The following DYNC1I1 variants were observed in gnomAD, a reference collection of about 807,000 sequenced individuals.
The protein encoded by DYNC1I1 is dynein cytoplasmic 1 intermediate chain 1, also known as cytoplasmic dynein 1 intermediate chain 1.
A neutral mutation model predicts 86.6 loss-of-function variants in DYNC1I1; 43 were observed. The observed-to-expected ratio is 0.50, with a 90% CI of 0.39 to 0.64. The LOEUF (loss-of-function observed/expected upper bound fraction) is 0.64, where lower values mean the gene tolerates loss of function less well. Ranked by LOEUF, DYNC1I1 falls within the 30% of genes least tolerant of loss-of-function variation. The pLI is 0.00. For missense variants in DYNC1I1, 604 were observed against 788.8 expected (o/e 0.77, Z 2.81); for synonymous variants, 262 against 283.7 (o/e 0.92, Z 0.77).
At chr7:96,056,880 C>T (rs186037204) in intron 14 of DYNC1I1, among the ~76,000 whole-genome samples, 36 of 152,114 alleles carry the variant, frequency 2.4e-4, no homozygotes, top group Non-Finnish European at 3.5e-4. Flanking sequence ...GACCTAAATA[C>T]GGGATTGGTT....
chr7:95,957,140 G>A (rs901308671), intron 6 of DYNC1I1, among the ~76,000 whole-genome samples: 1 of 152,118 alleles, frequency 6.6e-6, no homozygotes, highest in African/African-American at 2.4e-5. Context: ...ATAAATGATT[G>A]TAAAATACTT....
At chr7:95,788,193 T>C (rs1794199465) in intron 1 of DYNC1I1, among the ~76,000 whole-genome samples, 1 of 152,200 alleles carries the variant, frequency 6.6e-6, no homozygotes, top group Non-Finnish European at 1.5e-5. Context: ...GGGAATGGGC[T>C]GCAAGGGAGG....
chr7:95,978,684 A>T (rs1325421290), intron 7 of DYNC1I1, among the ~76,000 whole-genome samples: 3 of 152,196 alleles, frequency 2.0e-5, no homozygotes, highest in Non-Finnish European at 4.4e-5. Context: ...CTTTGTAGGA[A>T]TTGATACCTA....
At chr7:95,875,199 T>G (rs750385331) in intron 6 of DYNC1I1, among the ~76,000 whole-genome samples, 1 of 152,158 alleles carries the variant, frequency 6.6e-6, no homozygotes, top group Non-Finnish European at 1.5e-5. Flanking sequence ...ATCCTTCCTT[T>G]TAGAACAATG....
chr7:95,950,138 T>C (rs922973754), intron 6 of DYNC1I1, among the ~76,000 whole-genome samples: 12 of 152,206 alleles, frequency 7.9e-5, no homozygotes, highest in Admixed American at 3.9e-4. Context: ...TAGAAAGAAG[T>C]GTCCCATAAA....
intron 16 of DYNC1I1, among the ~76,000 whole-genome samples, chr7:96,097,265 G>A (rs1057161899): frequency 3.3e-5 from 5 of 152,138 alleles, no homozygotes; most frequent in Admixed American, 2.0e-4. Flanking sequence ...AATTATGTGA[G>A]TGCTTTTGCT....
At chr7:95,872,256 C>T (rs1415154391) in intron 6 of DYNC1I1, among the ~76,000 whole-genome samples, 2 of 152,158 alleles carry the variant, frequency 1.3e-5, no homozygotes, top group South Asian at 4.1e-4. Context: ...GAAACAACTA[C>T]GGAATTTTAT....
chr7:96,009,902 C>T (rs1794232752), intron 10 of DYNC1I1, among the ~76,000 whole-genome samples: 2 of 152,044 alleles, frequency 1.3e-5, no homozygotes, highest in South Asian at 4.2e-4. Context: ...GCCTCAGCCT[C>T]CCAAGTAGCT....
Position 96,097,754 on chromosome 7 carries a change from C to T in DYNC1I1, c.*161C>T, listed in dbSNP as rs1030232687. ...TTGCTCCAAGTATTCTAAATGTGTCCCATCATGCTTTCCACTGACCCAAAA... is the reference window on the plus strand; with the variant it reads ...TTGCTCCAAGTATTCTAAATGTGTCTCATCATGCTTTCCACTGACCCAAAA... On this transcript the variant is annotated 3_prime_UTR_variant, in exon 17 of 17. Coordinates refer to ENST00000447467, the MANE Select transcript of DYNC1I1 (RefSeq NM_001135556.2). The T allele has an allele frequency of 3.7e-6, 5 of 1,347,660 alleles. No individual in the cohort carries two copies. The highest frequency in any genetic ancestry group is 2.8e-4 in the Middle Eastern group (1 of 3,588). The allele number at this position is 1,347,660 out of a possible 1,614,324, so 83.5% of individuals were successfully genotyped here.
At chr7:96,018,900 T>C (rs939095164) in intron 10 of DYNC1I1, among the ~76,000 whole-genome samples, 1 of 152,172 alleles carries the variant, frequency 6.6e-6, no homozygotes, top group African/African-American at 2.4e-5. Flanking sequence ...GCTCCATGAA[T>C]TAATTGTTTC....
At chr7:95,985,117 T>G (rs750512361) in intron 8 of DYNC1I1, 140 bp downstream of exon 8, 72 of 1,168,362 alleles carry the variant, frequency 6.2e-5, no homozygotes, top group South Asian at 1.8e-4. Flanking sequence ...CTGAACAGCT[T>G]TGACTATGGG....
chr7:96,034,416 A>G (rs1794885465), intron 12 of DYNC1I1, among the ~76,000 whole-genome samples: 1 of 152,150 alleles, frequency 6.6e-6, no homozygotes, highest in Admixed American at 6.6e-5. Context: ...TGGTGGCTCT[A>G]AGTCCGTTTG....
intron 9 of DYNC1I1, among the ~76,000 whole-genome samples, chr7:95,993,651 A>G (rs1793785282): frequency 6.6e-6 from 1 of 152,184 alleles, no homozygotes; most frequent in Non-Finnish European, 1.5e-5. Context: ...TGGTGGCCAC[A>G]TACATGTGTG....
chr7:95,862,360 AAAAAC>A (rs1200950710), intron 5 of DYNC1I1, among the ~76,000 whole-genome samples: 1 of 152,200 alleles, frequency 6.6e-6, no homozygotes, highest in Non-Finnish European at 1.5e-5. Context: ...CCATTAAAAA[AAAAAC>A]AAATAACCCA....
At chr7:96,001,356 T>C (rs1794007449) in intron 10 of DYNC1I1, among the ~76,000 whole-genome samples, 1 of 152,158 alleles carries the variant, frequency 6.6e-6, no homozygotes, top group Admixed American at 6.5e-5. Flanking sequence ...AGATGGGTGT[T>C]CTGAGGGGTC....
intron 14 of DYNC1I1, among the ~76,000 whole-genome samples, chr7:96,050,698 T>G (rs1252416997): frequency 6.6e-6 from 1 of 152,182 alleles, no homozygotes; most frequent in Non-Finnish European, 1.5e-5. Context: ...CCACTAGACC[T>G]GCTTCTTCAA....
intron 6 of DYNC1I1, among the ~76,000 whole-genome samples, chr7:95,964,985 G>C (rs997539588): frequency 7.2e-5 from 11 of 152,146 alleles, no homozygotes; most frequent in Non-Finnish European, 1.3e-4. Context: ...ACCAAAGAGT[G>C]GTAGCCCATG....
intron 6 of DYNC1I1, among the ~76,000 whole-genome samples, chr7:95,975,266 C>T (rs535580651): frequency 6.6e-6 from 1 of 152,200 alleles, no homozygotes; most frequent in East Asian, 1.9e-4. Context: ...AACAAAATAC[C>T]ACAAACTGGC....
chr7:96,074,095 ATAAGGCTAATG>A (rs1187600081), intron 14 of DYNC1I1, among the ~76,000 whole-genome samples: 2 of 152,228 alleles, frequency 1.3e-5, no homozygotes, highest in East Asian at 3.9e-4. Context: ...TTAAAAAACT[ATAAGGCTAATG>A]TCCAGTTGAT....
Sources: allele counts gnomAD v4.1 joint callset (sites outside exome capture counted in the v4.1 genomes callset), GRCh38; gene constraint gnomAD v4.1.1; transcripts MANE v1.5; gene names NCBI Gene and HGNC (gene_info 2026-07-23, HGNC 2026-07-21).